MARCHF8: variants seen among roughly 807,000 people sequenced by gnomAD.
The protein encoded by MARCHF8 is E3 ubiquitin-protein ligase MARCHF8.
A neutral mutation model predicts 51.6 loss-of-function variants in MARCHF8; 40 were observed. That is an observed-to-expected ratio of 0.77 (90% CI 0.60 to 1.01). The LOEUF (loss-of-function observed/expected upper bound fraction) is 1.01. Among genes scored for constraint, MARCHF8 ranks in the 50% least tolerant of loss-of-function variants. The pLI is 0.00. For missense variants in MARCHF8, 685 were observed against 708.6 expected, an observed-to-expected ratio of 0.97 and a Z score of 0.38; for synonymous variants, 263 against 280.3, an observed-to-expected ratio of 0.94 and a Z score of 0.62.
intron 1 of MARCHF8, among the ~76,000 whole-genome samples, chr10:45,565,635 GA>G (rs1312859101): frequency 6.6e-6 from 1 of 151,162 alleles, no homozygotes; most frequent in Non-Finnish European, 1.5e-5. Context: ...CCCTAAAGTA[GA>G]AAAAGAGTAG....
At chr10:45,515,052 C>G (rs1365732812) in intron 2 of MARCHF8, among the ~76,000 whole-genome samples, 2 of 152,164 alleles carry the variant, frequency 1.3e-5, no homozygotes, top group Non-Finnish European at 1.5e-5. Flanking sequence ...AGGAATTTTC[C>G]TGGTTTCAGG....
At chr10:45,537,113 C>G (rs1033319765), upstream of MARCHF8, among the ~76,000 whole-genome samples, 1 of 151,790 alleles carries the variant, frequency 6.6e-6, no homozygotes, top group Admixed American at 6.6e-5. Context: ...ATCATATGAC[C>G]CAACAACTTC....
At chr10:45,557,089 C>CCTTTAT (rs570865455) in intron 1 of MARCHF8, among the ~76,000 whole-genome samples, 1 of 150,196 alleles carries the variant, frequency 6.7e-6, no homozygotes, top group Non-Finnish European at 1.5e-5. Flanking sequence ...TGAAACTATA[C>CCTTTAT]CCATTGAACA....
intron 1 of MARCHF8, among the ~76,000 whole-genome samples, 166 bp downstream of exon 1, chr10:45,535,045 C>CA (rs2133286435): frequency 6.6e-6 from 1 of 152,082 alleles, no homozygotes; most frequent in Non-Finnish European, 1.5e-5. Context: ...ATAATAACAA[C>CA]AAAAAAAGGA....
chr10:45,505,481 A>G (rs2043363141), intron 2 of MARCHF8, among the ~76,000 whole-genome samples: 1 of 152,248 alleles, frequency 6.6e-6, no homozygotes, highest in Non-Finnish European at 1.5e-5. Context: ...ACAGGCTTGT[A>G]ATTAATGCCA....
intron 2 of MARCHF8, among the ~76,000 whole-genome samples, chr10:45,524,981 G>T (rs2043767615): frequency 6.6e-6 from 1 of 152,084 alleles, no homozygotes; most frequent in Non-Finnish European, 1.5e-5. Flanking sequence ...AAATTCAAGA[G>T]GTTTTCTCCA....
chr10:45,500,567 T>C (rs71499566), intron 2 of MARCHF8, among the ~76,000 whole-genome samples: 7,421 of 152,206 alleles, frequency 0.049, 254 homozygotes, highest in Non-Finnish European at 0.066. Flanking sequence ...TGCAGACTTT[T>C]CATATATGGC....
At chr10:45,473,746 G>A (rs751175016) in intron 3 of MARCHF8, among the ~76,000 whole-genome samples, 1 of 152,142 alleles carries the variant, frequency 6.6e-6, no homozygotes, top group Non-Finnish European at 1.5e-5. Flanking sequence ...TTAGGCCAAA[G>A]TACTCACATG....
intron 5 of MARCHF8, 199 bp from the exon 6 acceptor site, chr10:45,461,610 A>G (rs1842789853): frequency 2.5e-6 from 1 of 401,596 alleles, no homozygotes. Flanking sequence ...CAACATGGAA[A>G]GTCTGGAGGG....
intron 1 of MARCHF8, among the ~76,000 whole-genome samples, chr10:45,582,938 T>C (rs1589194953): frequency 6.6e-6 from 1 of 152,278 alleles, no homozygotes; most frequent in Non-Finnish European, 1.5e-5. Context: ...AAAATACGGA[T>C]GTAACCACAG....
At chr10:45,509,626 C>G (rs762659376) in intron 2 of MARCHF8, among the ~76,000 whole-genome samples, 1 of 152,188 alleles carries the variant, frequency 6.6e-6, no homozygotes, top group African/African-American at 2.4e-5. Context: ...TTTAAGTGTT[C>G]TGGAACTAAG....
intron 1 of MARCHF8, among the ~76,000 whole-genome samples, chr10:45,551,988 T>C (rs1037190145): frequency 6.6e-6 from 1 of 152,170 alleles, no homozygotes; most frequent in Non-Finnish European, 1.5e-5. Context: ...ATATGATCCC[T>C]GGAGTGTTGC....
chr10:45,474,966 G>C (rs997644968), intron 3 of MARCHF8, among the ~76,000 whole-genome samples: 1 of 152,174 alleles, frequency 6.6e-6, no homozygotes, highest in Non-Finnish European at 1.5e-5. Context: ...GAGGGAGCTC[G>C]TGATGGGTCC....
chr10:45,511,232 T>C (rs2043494935), intron 2 of MARCHF8, among the ~76,000 whole-genome samples: 1 of 152,248 alleles, frequency 6.6e-6, no homozygotes, highest in African/African-American at 2.4e-5. Context: ...AAATCTTAAT[T>C]ATACATTAGT....
Position 45,492,426 on chromosome 10 carries a change from T to C in MARCHF8, c.103-3009A>G, listed in dbSNP as rs568127747. Among the ~76,000 whole-genome samples the C allele has an allele frequency of 1.5e-4, 23 of 152,220 alleles. No individual in the cohort carries two copies. The South Asian group carries it at 1.7e-3, about 11-fold the overall frequency. On this transcript the variant is annotated intron_variant, in intron 2 of 7. Transcript: ENST00000453424. ...CACTCTCCTGCCTCAGCCTCCCAAGTAGCTGGGACTACAGGCGCCCACCAC... is the reference window on the plus strand; with the variant it reads ...CACTCTCCTGCCTCAGCCTCCCAAGCAGCTGGGACTACAGGCGCCCACCAC...
intron 1 of MARCHF8, among the ~76,000 whole-genome samples, chr10:45,557,946 T>A (rs2044270550): frequency 1.3e-5 from 2 of 152,202 alleles, no homozygotes. Flanking sequence ...GCAAAAAAAA[T>A]GACTTAGCTA....
At chr10:45,560,364 G>C (rs565257564) in intron 1 of MARCHF8, among the ~76,000 whole-genome samples, 10 of 152,264 alleles carry the variant, frequency 6.6e-5, no homozygotes, top group African/African-American at 2.4e-4. Context: ...GCTTAGGTTA[G>C]ATAACAAGGG....
chr10:45,578,979 C>T (rs757376026), intron 1 of MARCHF8, among the ~76,000 whole-genome samples: 1 of 152,116 alleles, frequency 6.6e-6, no homozygotes, highest in Non-Finnish European at 1.5e-5. Context: ...GGACTGGATA[C>T]TGGACATGGA....
chr10:45,497,005 A>G lies in MARCHF8; in HGVS notation c.103-7588T>C, dbSNP rs532770944. 2.5e-3 allele frequency among the ~76,000 whole-genome samples: 387 copies of G among 152,298 alleles called. 1 individual carries two copies. Among genetic ancestry groups the G allele is most frequent in the African/African-American group, 8.9e-3 (368 of 41,572 alleles). ...TAATAGCATGAACTGCAAATGGATT[A>G]ACAAATCAACAGGAAGGGTTGTCAG... On this transcript the variant is annotated intron_variant, in intron 2 of 7. Coordinates refer to ENST00000453424, the MANE Select transcript of MARCHF8 (RefSeq NM_001282866.2).
Sources: gnomAD v4.1 joint callset for allele counts (sites outside exome capture counted in the v4.1 genomes callset) on GRCh38, gnomAD v4.1.1 for gene constraint, MANE v1.5 for transcripts, NCBI Gene and HGNC (gene_info 2026-07-23, HGNC 2026-07-21) for gene names.